FSD1L: variants seen among roughly 807,000 people sequenced by gnomAD.
FSD1L encodes fibronectin type III and SPRY domain containing 1 like, also known as FSD1-like protein.
A neutral mutation model predicts 71.6 loss-of-function variants in FSD1L; 45 were observed. The observed-to-expected ratio is 0.63, with a 90% CI of 0.49 to 0.81. The LOEUF (loss-of-function observed/expected upper bound fraction) is 0.81. Ranked by LOEUF, FSD1L falls within the 30% of genes least tolerant of loss-of-function variation. The pLI, the probability that FSD1L is intolerant of heterozygous loss-of-function variation, is 0.00. For synonymous variants in FSD1L, 197 were observed against 207.2 expected, an observed-to-expected ratio of 0.95 and a Z score of 0.42; for missense variants, 561 against 618.1, an observed-to-expected ratio of 0.91 and a Z score of 0.98.
intron 3 of FSD1L, among the ~76,000 whole-genome samples, chr9:105,464,816 A>G (rs539535552): frequency 6.3e-4 from 96 of 152,072 alleles, no homozygotes; most frequent in African/African-American, 2.2e-3. Context: ...ACCAAAAAAA[A>G]AAAAGATACA....
At chr9:105,475,217 A>G (rs777111722) in intron 5 of FSD1L, among the ~76,000 whole-genome samples, 11 of 152,178 alleles carry the variant, frequency 7.2e-5, no homozygotes, top group Non-Finnish European at 2.9e-5. Flanking sequence ...TGCCATCACA[A>G]TCATGCCACA....
At chr9:105,524,937 T>G in intron 10 of FSD1L, 3 of 1,614,064 alleles carry the variant, frequency 1.9e-6, no homozygotes, top group Non-Finnish European at 2.5e-6. Context: ...GTTCTTTGTG[T>G]TAATAATACA....
At chr9:105,455,661 C>T (rs184883169) in intron 1 of FSD1L, among the ~76,000 whole-genome samples, 67 of 152,306 alleles carry the variant, frequency 4.4e-4, no homozygotes, top group Non-Finnish European at 2.9e-4. Flanking sequence ...TGAATCATGA[C>T]TGCCAGTTGA....
At chr9:105,462,646 C>T (rs1191791870) in intron 2 of FSD1L, among the ~76,000 whole-genome samples, 2 of 149,648 alleles carry the variant, frequency 1.3e-5, no homozygotes, top group Non-Finnish European at 3.0e-5. Context: ...CCTCAGCCTC[C>T]TGAGTAGCTG....
chr9:105,466,692 CAAA>C lies in FSD1L; in HGVS notation c.208-1488_208-1486del, dbSNP rs11300881. On this transcript the variant is annotated intron_variant, in intron 3 of 13. Coordinates refer to ENST00000481272, the MANE Select transcript of FSD1L (RefSeq NM_001145313.3). Reference sequence around the variant, plus strand: ...TGGGTGATAGAGTGAGACTCTGTCTCAAAAAAAAAAAAAAATAATTATTTTAGC... The same window carrying C: ...TGGGTGATAGAGTGAGACTCTGTCTCAAAAAAAAAAAATAATTATTTTAGC... Among the ~76,000 whole-genome samples the C allele has an allele frequency of 7.7e-4, 111 of 143,566 alleles. 1 individual carries two copies. The highest frequency in any genetic ancestry group is 7.7e-3 in the East Asian group (38 of 4,940). The allele number at this position is 143,566 out of a possible 152,430, so 94.2% of individuals were successfully genotyped here.
chr9:105,527,651 CAGTG>C (rs529555023), intron 10 of FSD1L, among the ~76,000 whole-genome samples: 40 of 149,384 alleles, frequency 2.7e-4, no homozygotes, highest in Non-Finnish European at 5.2e-4. Context: ...TAATTTGTAA[CAGTG>C]GGGGGAAAAG....
rs886234430 is a variant in FSD1L at position 105,550,824 on chromosome 9, A to G, written c.*4341A>G. On this transcript the variant is annotated 3_prime_UTR_variant, in exon 14 of 14. Transcript: ENST00000481272. ...AAGAATATTTCTTATTTCTGGGTCA[A>G]TATAAGGTACTGACTTCTGATGCAT... The G allele has an allele frequency of 3.3e-5, 5 of 152,242 alleles. No individual in the cohort carries two copies. The highest frequency in any genetic ancestry group is 1.2e-4 in the African/African-American group (5 of 41,578). The allele number at this position is 152,242 out of a possible 1,614,324, so 9.4% of individuals were successfully genotyped here. A position where few individuals can be genotyped will look rare whatever the true frequency, so the allele number is the denominator to read the frequency against.
At chr9:105,451,330 A>G (rs2131560288) in intron 1 of FSD1L, among the ~76,000 whole-genome samples, 1 of 152,334 alleles carries the variant, frequency 6.6e-6, no homozygotes, top group East Asian at 1.9e-4. Context: ...GTGGTTCCAG[A>G]GAAGAGTTGT....
chr9:105,477,283 A>C (rs1406494981), intron 5 of FSD1L, among the ~76,000 whole-genome samples: 1 of 152,216 alleles, frequency 6.6e-6, no homozygotes, highest in African/African-American at 2.4e-5. Flanking sequence ...ACAAAAAAAA[A>C]CTGATAAGAG....
At chr9:105,525,365 C>G (rs113390993) in intron 10 of FSD1L, 3 of 1,594,106 alleles carry the variant, frequency 1.9e-6, no homozygotes, top group Non-Finnish European at 2.6e-6. Flanking sequence ...CTTAATATTC[C>G]TGCTCCACAA....
intron 10 of FSD1L, 21 bp downstream of exon 10, chr9:105,512,957 T>A (rs1275518215): frequency 6.7e-7 from 1 of 1,496,168 alleles, no homozygotes; most frequent in South Asian, 1.4e-5. Flanking sequence ...CCATTAAATC[T>A]GCCATATGGA....
chr9:105,514,508 G>T (rs1834584736), intron 10 of FSD1L, among the ~76,000 whole-genome samples: 4 of 152,196 alleles, frequency 2.6e-5, no homozygotes, highest in Non-Finnish European at 5.9e-5. Flanking sequence ...AACTTATGTA[G>T]ATGAGATGTA....
chr9:105,478,891 A>G (rs1831989060), intron 5 of FSD1L, among the ~76,000 whole-genome samples: 1 of 152,242 alleles, frequency 6.6e-6, no homozygotes, highest in African/African-American at 2.4e-5. Flanking sequence ...AGAGGCATAT[A>G]GAGAAAACTT....
At chr9:105,524,179 C>G in intron 10 of FSD1L, 2 of 1,612,224 alleles carry the variant, frequency 1.2e-6, no homozygotes, top group South Asian at 1.1e-5. Flanking sequence ...GTCCATGAGT[C>G]TCATCATCCT....
At chr9:105,523,524 C>T (rs918116545) in intron 10 of FSD1L, 1 of 1,612,686 alleles carries the variant, frequency 6.2e-7, no homozygotes, top group African/African-American at 1.3e-5. Flanking sequence ...TTTTGATTAC[C>T]TCTGTGAACT....
chr9:105,508,789 A>C (rs1834223698), intron 9 of FSD1L, 74 bp downstream of exon 9: 1 of 867,950 alleles, frequency 1.2e-6, no homozygotes, highest in Non-Finnish European at 1.8e-6. Context: ...TTGTAACAGG[A>C]AGCACTTCAT....
intron 3 of FSD1L, among the ~76,000 whole-genome samples, chr9:105,465,343 C>T (rs1830986165): frequency 6.6e-6 from 1 of 152,158 alleles, no homozygotes; most frequent in Non-Finnish European, 1.5e-5. Flanking sequence ...GAACTAATAT[C>T]AGTTATTCTC....
At chr9:105,511,187 T>G (rs1032067378) in intron 9 of FSD1L, among the ~76,000 whole-genome samples, 1 of 147,728 alleles carries the variant, frequency 6.8e-6, no homozygotes, top group African/African-American at 2.5e-5. Flanking sequence ...TCAATGGTAC[T>G]ATCTATTTTT....
intron 5 of FSD1L, among the ~76,000 whole-genome samples, chr9:105,476,546 G>T (rs1210403055): frequency 1.2e-4 from 18 of 152,144 alleles, no homozygotes; most frequent in Non-Finnish European, 2.9e-5. Flanking sequence ...TGCAATGAAT[G>T]TTTAGATTTA....
Sources: allele counts gnomAD v4.1 joint callset (sites outside exome capture counted in the v4.1 genomes callset), GRCh38; gene constraint gnomAD v4.1.1; transcripts MANE v1.5; gene names NCBI Gene and HGNC (gene_info 2026-07-23, HGNC 2026-07-21).